SLC9B1: variants seen among roughly 807,000 people sequenced by gnomAD.
SLC9B1 encodes sodium/hydrogen exchanger 9B1.
A neutral mutation model predicts 51.7 loss-of-function variants in SLC9B1; 32 were observed. The observed-to-expected ratio is 0.62, with a 90% CI of 0.47 to 0.83. SLC9B1 has a LOEUF of 0.83. SLC9B1 is among the 40% of genes least tolerant of loss of function. The probability of loss-of-function intolerance (pLI) is 0.00; values close to 1 mark genes in which losing one functional copy is unlikely to be tolerated. For missense variants in SLC9B1, 406 were observed against 613.2 expected (o/e 0.66, Z 3.57); for synonymous variants, 145 against 212.7 (o/e 0.68, Z 2.77).
chr4:102,928,054 C>T (rs1365640808), intron 7 of SLC9B1, among the ~76,000 whole-genome samples: 1 of 149,932 alleles, frequency 6.7e-6, no homozygotes, highest in Non-Finnish European at 1.5e-5. Flanking sequence ...GGGCTGGGAA[C>T]ATCACACACT....
intron 7 of SLC9B1, among the ~76,000 whole-genome samples, chr4:102,929,563 C>T (rs1392810208): frequency 6.6e-6 from 1 of 152,180 alleles, no homozygotes; most frequent in African/African-American, 2.4e-5. Context: ...CCCTGTCACC[C>T]AGGCTGGAGT....
intron 1 of SLC9B1, among the ~76,000 whole-genome samples, chr4:102,998,706 T>C (rs74531248): frequency 0.017 from 2,547 of 152,278 alleles, 70 homozygotes; most frequent in African/African-American, 0.055. Context: ...TATTTTCTGT[T>C]TTTTGGTAAT....
chr4:102,949,156 C>T, intron 4 of SLC9B1, 101 bp downstream of exon 4: 1 of 1,003,856 alleles, frequency 1.0e-6, no homozygotes, highest in Non-Finnish European at 1.5e-6. Flanking sequence ...ATAAAACATA[C>T]TACATTGAAA....
At chr4:102,896,442 C>A (rs1325746773), downstream of SLC9B1, among the ~76,000 whole-genome samples, 2 of 151,738 alleles carry the variant, frequency 1.3e-5, no homozygotes, top group Non-Finnish European at 2.9e-5. Flanking sequence ...AATGTAGTCT[C>A]AAAATAAATA....
chr4:102,920,625 G>A (rs962056208), intron 7 of SLC9B1, among the ~76,000 whole-genome samples: 3 of 152,140 alleles, frequency 2.0e-5, no homozygotes, highest in African/African-American at 7.2e-5. Flanking sequence ...GCTAAAGGAG[G>A]ATGTTGGAAC....
Position 102,948,393 on chromosome 4 carries a change from T to C in SLC9B1, c.382+864A>G, listed in dbSNP as rs1344981601. On this transcript the variant is annotated intron_variant, in intron 4 of 11. Coordinates refer to ENST00000296422, the MANE Select transcript of SLC9B1 (RefSeq NM_139173.4). ...TACTGGTCAATATCCCTGATGAACATAGATGCAAAAATTCTGAACTAGCAA... is the reference window on the plus strand; with the variant it reads ...TACTGGTCAATATCCCTGATGAACACAGATGCAAAAATTCTGAACTAGCAA... Among the ~76,000 whole-genome samples, 5 of 150,420 alleles carry C rather than the reference T, an allele frequency of 3.3e-5. 1 individual carries two copies. The East Asian group carries it at 5.9e-4, about 18-fold the overall frequency.
In SLC9B1 at chr4:103,019,644, A is replaced by G. The variant is rs1484190863; in HGVS notation, c.-47T>C. 7.1e-6 allele frequency: 7 copies of G among 985,354 alleles called. No homozygotes were observed. The highest frequency in any genetic ancestry group is 8.4e-6 in the Non-Finnish European group (7 of 829,972). 61.0% of individuals were successfully genotyped at this position (985,354 alleles called of 1,614,324 possible). A position where few individuals can be genotyped will look rare whatever the true frequency, so the allele number is the denominator to read the frequency against. On this transcript the variant is annotated 5_prime_UTR_variant, in exon 1 of 12. Coordinates refer to ENST00000296422, the MANE Select transcript of SLC9B1 (RefSeq NM_139173.4). ...CTCGCTGGCCCGGGAGCGGCCCAGG[A>G]GCCCAGTGACCGTTGCGTAAGCCAC... is the stretch of plus-strand genomic sequence containing the variant.
At chr4:102,903,400 G>A (rs1734878153) in intron 11 of SLC9B1, among the ~76,000 whole-genome samples, 1 of 152,200 alleles carries the variant, frequency 6.6e-6, no homozygotes. Flanking sequence ...AGAGTGCTAA[G>A]CACTTTACGT....
chr4:102,989,986 T>A (rs1234580255), intron 2 of SLC9B1, 45 bp from the exon 3 acceptor site: 4 of 1,487,002 alleles, frequency 2.7e-6, no homozygotes, highest in East Asian at 2.4e-5. Context: ...ACTTTCTGTA[T>A]AATTTTATGA....
At chr4:102,998,934 C>T (rs1293768795) in intron 1 of SLC9B1, among the ~76,000 whole-genome samples, 4 of 152,112 alleles carry the variant, frequency 2.6e-5, no homozygotes, top group Non-Finnish European at 4.4e-5. Context: ...AAACATAGAT[C>T]GTGCAGCCTT....
chr4:102,916,284 C>T (rs947537073), intron 7 of SLC9B1, among the ~76,000 whole-genome samples: 1 of 152,046 alleles, frequency 6.6e-6, no homozygotes, highest in East Asian at 1.9e-4. Context: ...AAGAGAACAA[C>T]GATGGCCATA....
intron 3 of SLC9B1, chr4:102,962,779 C>T: frequency 2.1e-6 from 1 of 475,662 alleles, no homozygotes; most frequent in Admixed American, 2.3e-5. Context: ...AATACTGTTA[C>T]ATTTGCCCTG....
At chr4:102,907,904 C>T (rs1464302089) in intron 9 of SLC9B1, among the ~76,000 whole-genome samples, 7 of 152,056 alleles carry the variant, frequency 4.6e-5, no homozygotes, top group Admixed American at 2.6e-4. Context: ...TTTCTTTTAC[C>T]ATTTAAAAAA....
At chr4:102,898,227 G>A (rs752349906), downstream of SLC9B1, 5 of 516,532 alleles carry the variant, frequency 9.7e-6, no homozygotes, top group African/African-American at 1.9e-5. Flanking sequence ...TGCCACTGGT[G>A]TTCCAATTAT....
intron 3 of SLC9B1, among the ~76,000 whole-genome samples, chr4:102,976,157 C>T (rs1333830796): frequency 1.3e-5 from 2 of 152,144 alleles, no homozygotes; most frequent in East Asian, 1.9e-4. Flanking sequence ...ATCTTGAATA[C>T]GATGCAGACA....
At chr4:102,946,071 A>C (rs760836736) in intron 5 of SLC9B1, among the ~76,000 whole-genome samples, 142 of 152,184 alleles carry the variant, frequency 9.3e-4, no homozygotes, top group Middle Eastern at 3.2e-3. Context: ...GACTTTTATA[A>C]GGTTTTTCTT....
chr4:103,019,628 C>T lies in SLC9B1; in HGVS notation c.-31G>A, dbSNP rs1741646317. 1.0e-6 allele frequency: 1 copy of T among 985,500 alleles called. No homozygotes were observed. Among genetic ancestry groups the T allele is most frequent in the Non-Finnish European group, 1.2e-6 (1 of 829,982 alleles). The allele number at this position is 985,500 out of a possible 1,614,324, so 61.0% of individuals were successfully genotyped here. A position where few individuals can be genotyped will look rare whatever the true frequency, so the allele number is the denominator to read the frequency against. ...AACTTCTTTCGCAGCCCTCGCTGGC[C>T]CGGGAGCGGCCCAGGAGCCCAGTGA... On this transcript the variant is annotated 5_prime_UTR_variant, in exon 1 of 12. Coordinates refer to ENST00000296422, the MANE Select transcript of SLC9B1 (RefSeq NM_139173.4).
intron 3 of SLC9B1, among the ~76,000 whole-genome samples, chr4:102,954,601 T>A (rs1296286047): frequency 1.3e-5 from 2 of 152,054 alleles, no homozygotes; most frequent in Non-Finnish European, 2.9e-5. Flanking sequence ...AAGAAATCAT[T>A]CAATGTTGAA....
intron 1 of SLC9B1, among the ~76,000 whole-genome samples, chr4:103,009,339 C>G (rs567337269): frequency 1.4e-4 from 22 of 152,282 alleles, no homozygotes; most frequent in Non-Finnish European, 1.5e-5. Context: ...TATCACAGAT[C>G]ATTCAGCAAA....
Sources: allele counts gnomAD v4.1 joint callset (sites outside exome capture counted in the v4.1 genomes callset), GRCh38; gene constraint gnomAD v4.1.1; transcripts MANE v1.5; gene names NCBI Gene and HGNC (gene_info 2026-07-23, HGNC 2026-07-21).